The following DENND1B variants were observed in gnomAD, a reference collection of about 807,000 sequenced individuals.
DENND1B encodes DENN domain-containing protein 1B.
A neutral mutation model predicts 90.1 loss-of-function variants in DENND1B; 59 were observed. The ratio of observed to expected loss-of-function variants is 0.65; its 90% confidence interval spans 0.53 to 0.81. The LOEUF (loss-of-function observed/expected upper bound fraction) is 0.81, where lower values mean the gene tolerates loss of function less well. DENND1B is among the 40% of genes least tolerant of loss of function. The pLI, the probability that DENND1B is intolerant of heterozygous loss-of-function variation, is 0.00. For synonymous variants in DENND1B, 337 were observed against 324.6 expected, an observed-to-expected ratio of 1.04 and a Z score of -0.41; for missense variants, 862 against 912.6, an observed-to-expected ratio of 0.94 and a Z score of 0.71.
At position 197,617,698 on chromosome 1, in the gene DENND1B, T is replaced by C. The variant is rs986380251; in HGVS notation, c.734A>G (p.Tyr245Cys). Residue 245 changes from tyrosine (Y) to cysteine (C), a missense_variant, in exon 11 of 23, where the codon TAC becomes TGC. Transcript: ENST00000620048. ...CAGGTGTGGAGGAAGCACTGGGATG[T>C]ATATGTGTTGCCAATACATTGGGTA... ...LLYPMYWQHI[Y>C]IPVLPPHLLD... 1 of 1,607,814 alleles carries C rather than the reference T, an allele frequency of 6.2e-7. No homozygotes were observed. Among genetic ancestry groups the C allele is most frequent in the South Asian group, 1.1e-5 (1 of 90,934 alleles).
At chr1:197,718,987 G>A (rs1660903116) in intron 2 of DENND1B, among the ~76,000 whole-genome samples, 2 of 151,944 alleles carry the variant, frequency 1.3e-5, no homozygotes, top group Non-Finnish European at 2.9e-5. Flanking sequence ...AAGAGAAGAG[G>A]GTGTATCTAA....
chr1:197,673,421 C>A (rs1035580044), intron 4 of DENND1B, among the ~76,000 whole-genome samples: 2 of 151,920 alleles, frequency 1.3e-5, no homozygotes, highest in East Asian at 1.9e-4. Context: ...AATACTTTAG[C>A]GAAGTATTTT....
intron 13 of DENND1B, among the ~76,000 whole-genome samples, chr1:197,604,666 C>A (rs1676515498): frequency 6.6e-6 from 1 of 151,084 alleles, no homozygotes; most frequent in Admixed American, 6.6e-5. Context: ...CTCAGTTAAC[C>A]TATTAAACAA....
chr1:197,658,645 TA>T (rs1435948469), intron 5 of DENND1B, among the ~76,000 whole-genome samples: 3 of 151,544 alleles, frequency 2.0e-5, no homozygotes, highest in African/African-American at 7.3e-5. Flanking sequence ...TGGTATTCAA[TA>T]AAAGCATGCA....
intron 4 of DENND1B, among the ~76,000 whole-genome samples, chr1:197,672,903 T>G (rs1429589747): frequency 6.6e-6 from 1 of 152,028 alleles, no homozygotes; most frequent in African/African-American, 2.4e-5. Flanking sequence ...ATGAATATAT[T>G]TCCTAGTACT....
intron 2 of DENND1B, among the ~76,000 whole-genome samples, chr1:197,752,865 A>G (rs961507812): frequency 3.3e-5 from 5 of 151,774 alleles, no homozygotes; most frequent in African/African-American, 1.2e-4. Flanking sequence ...AGTTCACTCT[A>G]TGAGTGAGAA....
intron 5 of DENND1B, among the ~76,000 whole-genome samples, chr1:197,662,103 A>G (rs1293840679): frequency 6.6e-6 from 1 of 152,080 alleles, no homozygotes; most frequent in Non-Finnish European, 1.5e-5. Flanking sequence ...AAATCAAACT[A>G]TGACTTCATC....
At chr1:197,640,837 C>T (rs114769549) in intron 10 of DENND1B, among the ~76,000 whole-genome samples, 5 of 152,088 alleles carry the variant, frequency 3.3e-5, no homozygotes, top group Admixed American at 2.6e-4. Context: ...TTGGGCACAG[C>T]GGCGTGTGCC....
At chr1:197,643,365 C>T (rs1279516438) in intron 9 of DENND1B, among the ~76,000 whole-genome samples, 1 of 151,962 alleles carries the variant, frequency 6.6e-6, no homozygotes, top group Non-Finnish European at 1.5e-5. Context: ...CCATGTTGGC[C>T]GGGTTGGTCT....
chr1:197,679,642 A>G (rs1656452140), intron 3 of DENND1B, among the ~76,000 whole-genome samples: 1 of 150,072 alleles, frequency 6.7e-6, no homozygotes, highest in Non-Finnish European at 1.5e-5. Context: ...ATGTATCTAA[A>G]TATTTTGTGT....
intron 2 of DENND1B, among the ~76,000 whole-genome samples, chr1:197,766,947 CCA>C (rs1486478339): frequency 6.6e-6 from 1 of 151,948 alleles, no homozygotes; most frequent in African/African-American, 2.4e-5. Context: ...GCTCTTGACA[CCA>C]CACCCCGCTA....
chr1:197,522,733 T>C (rs1354583996), intron 20 of DENND1B, among the ~76,000 whole-genome samples: 1 of 152,122 alleles, frequency 6.6e-6, no homozygotes, highest in Non-Finnish European at 1.5e-5. Flanking sequence ...TTGTTGAACC[T>C]ATGAGACCTG....
intron 20 of DENND1B, among the ~76,000 whole-genome samples, chr1:197,523,577 G>A (rs891680208): frequency 6.6e-6 from 1 of 152,128 alleles, no homozygotes; most frequent in Non-Finnish European, 1.5e-5. Context: ...AGGGGTTCCA[G>A]GACTGCTGAT....
In DENND1B at chr1:197,647,227, AT is replaced by A. The variant is rs1439205696; in HGVS notation, c.448-114del. 13 of 510,378 alleles carry A rather than the reference AT, an allele frequency of 2.5e-5. No individual in the cohort carries two copies. In the Admixed American group the frequency reaches 5.7e-4, roughly 22 times the overall value. 31.6% of individuals were successfully genotyped at this position (510,378 alleles called of 1,614,324 possible). ...ATGTAGCCAAGTTAGCCACTAAAAA[AT>A]ACTTGAATAATACTAATTATAAGTA... is the stretch of plus-strand genomic sequence containing the variant. On this transcript the variant is annotated intron_variant, in intron 7 of 22. Transcript: ENST00000620048.
intron 15 of DENND1B, among the ~76,000 whole-genome samples, chr1:197,579,373 T>C (rs1673993338): frequency 6.6e-6 from 1 of 152,200 alleles, no homozygotes; most frequent in Admixed American, 6.5e-5. Context: ...ATTCCATTGT[T>C]GCTGCTGTGA....
chr1:197,521,689 A>G (rs1668788674), intron 20 of DENND1B, among the ~76,000 whole-genome samples: 1 of 152,052 alleles, frequency 6.6e-6, no homozygotes, highest in Non-Finnish European at 1.5e-5. Context: ...ACATCTTAAA[A>G]TGCATGGCAG....
At chr1:197,662,670 A>T (rs1654534534) in intron 5 of DENND1B, among the ~76,000 whole-genome samples, 3 of 152,026 alleles carry the variant, frequency 2.0e-5, no homozygotes, top group Non-Finnish European at 4.4e-5. Context: ...TGCACCCATT[A>T]ACTTGTCATT....
chr1:197,674,318 A>T (rs1655833608), intron 3 of DENND1B, 149 bp from the exon 4 acceptor site: 1 of 630,712 alleles, frequency 1.6e-6, no homozygotes, highest in Non-Finnish European at 2.8e-6. Flanking sequence ...AAAATAATTG[A>T]TTATTAAAAA....
chr1:197,723,820 T>A (rs898236380), intron 2 of DENND1B, among the ~76,000 whole-genome samples: 1 of 151,930 alleles, frequency 6.6e-6, no homozygotes, highest in South Asian at 2.1e-4. Flanking sequence ...TTTATAATTA[T>A]AAGAATTATA....
Sources: gnomAD v4.1 joint callset for allele counts (sites outside exome capture counted in the v4.1 genomes callset) on GRCh38, gnomAD v4.1.1 for gene constraint, MANE v1.5 for transcripts, NCBI Gene and HGNC (gene_info 2026-07-23, HGNC 2026-07-21) for gene names.